The following CCDC178 variants were observed in gnomAD, a reference collection of about 807,000 sequenced individuals.
The protein encoded by CCDC178 is coiled-coil domain containing 178.
Under a neutral mutation model 117.4 loss-of-function variants are expected in CCDC178, and 126 were observed. The observed-to-expected ratio is 1.07, with a 90% CI of 0.93 to 1.24. CCDC178 has a LOEUF of 1.24. CCDC178 is among the 50% of genes most tolerant of loss of function. The probability of loss-of-function intolerance (pLI) is 0.00; values close to 1 mark genes in which losing one functional copy is unlikely to be tolerated. For missense variants in CCDC178, 1,030 were observed against 986.9 expected, an observed-to-expected ratio of 1.04 and a Z score of -0.59; for synonymous variants, 283 against 313.4, an observed-to-expected ratio of 0.90 and a Z score of 1.02.
At chr18:33,322,259 C>T (rs892683140) in intron 11 of CCDC178, among the ~76,000 whole-genome samples, 6 of 151,768 alleles carry the variant, frequency 4.0e-5, no homozygotes, top group African/African-American at 7.3e-5. Context: ...AACATCACCT[C>T]GGGGTATTTT....
chr18:33,309,892 T>C (rs1040931882), intron 11 of CCDC178, among the ~76,000 whole-genome samples: 4 of 152,174 alleles, frequency 2.6e-5, no homozygotes, highest in African/African-American at 7.2e-5. Flanking sequence ...ATATGGTAAA[T>C]ATTTGTCCAA....
intron 20 of CCDC178, among the ~76,000 whole-genome samples, chr18:33,180,078 G>A (rs753947323): frequency 6.5e-4 from 99 of 151,920 alleles, no homozygotes; most frequent in Middle Eastern, 3.4e-3. Flanking sequence ...GAAAATAAAC[G>A]TACATTAAAT....
At chr18:33,151,711 GATA>G (rs1279258513) in intron 20 of CCDC178, among the ~76,000 whole-genome samples, 5 of 152,194 alleles carry the variant, frequency 3.3e-5, no homozygotes, top group East Asian at 1.9e-4. Context: ...GTCAAATCGG[GATA>G]ATAATATTAA....
intron 22 of CCDC178, among the ~76,000 whole-genome samples, chr18:32,965,943 TAA>T (rs2054803783): frequency 6.7e-6 from 1 of 148,932 alleles, no homozygotes; most frequent in African/African-American, 2.4e-5. Flanking sequence ...ATTTTATATA[TAA>T]AAATATATAA....
intron 15 of CCDC178, among the ~76,000 whole-genome samples, chr18:33,244,092 G>C (rs916006604): frequency 1.7e-4 from 26 of 151,862 alleles, no homozygotes; most frequent in African/African-American, 6.0e-4. Context: ...TGAACAGCTG[G>C]ATTCAATGTG....
At chr18:33,321,100 T>C (rs764631508) in intron 11 of CCDC178, among the ~76,000 whole-genome samples, 1 of 152,214 alleles carries the variant, frequency 6.6e-6, no homozygotes, top group Non-Finnish European at 1.5e-5. Context: ...CAAGATGGAC[T>C]AATGACTTAA....
At chr18:33,093,448 C>A (rs2057497911) in intron 20 of CCDC178, among the ~76,000 whole-genome samples, 1 of 151,856 alleles carries the variant, frequency 6.6e-6, no homozygotes. Flanking sequence ...TTTAGAAGCA[C>A]CCAGCATCAT....
At chr18:33,063,366 C>T (rs907446064) in intron 21 of CCDC178, among the ~76,000 whole-genome samples, 2 of 152,172 alleles carry the variant, frequency 1.3e-5, no homozygotes, top group Admixed American at 6.5e-5. Context: ...AGGACAAGCT[C>T]TCCCAGACTG....
intron 2 of CCDC178, among the ~76,000 whole-genome samples, chr18:33,436,161 T>A (rs1454497390): frequency 1.3e-5 from 2 of 152,118 alleles, no homozygotes; most frequent in Non-Finnish European, 2.9e-5. Flanking sequence ...ATGAATGGGA[T>A]CATAGAAAAC....
intron 20 of CCDC178, among the ~76,000 whole-genome samples, chr18:33,196,598 T>C (rs1447692867): frequency 1.3e-5 from 2 of 152,140 alleles, no homozygotes; most frequent in Non-Finnish European, 2.9e-5. Context: ...CTGTGCTCTC[T>C]GGCTGTGCAG....
chr18:33,213,794 A>G (rs2059134071), intron 19 of CCDC178, among the ~76,000 whole-genome samples: 1 of 152,026 alleles, frequency 6.6e-6, no homozygotes, highest in South Asian at 2.1e-4. Context: ...AAATTAAATG[A>G]GGGTCAAGGA....
chr18:33,038,076 A>T (rs1473317472), intron 21 of CCDC178, among the ~76,000 whole-genome samples: 1 of 151,942 alleles, frequency 6.6e-6, no homozygotes, highest in Non-Finnish European at 1.5e-5. Context: ...TTTTTTCAAT[A>T]AAAGTATGAT....
intron 22 of CCDC178, among the ~76,000 whole-genome samples, chr18:32,948,327 G>A (rs944719825): frequency 2.0e-5 from 3 of 152,086 alleles, no homozygotes; most frequent in Non-Finnish European, 2.9e-5. Flanking sequence ...TTCTGACTGA[G>A]AAATGAGGTA....
At chr18:33,151,190 A>C (rs1161256555) in intron 20 of CCDC178, among the ~76,000 whole-genome samples, 1 of 152,156 alleles carries the variant, frequency 6.6e-6, no homozygotes, top group Non-Finnish European at 1.5e-5. Flanking sequence ...ATCACCACCA[A>C]AGAACTTATC....
intron 20 of CCDC178, among the ~76,000 whole-genome samples, chr18:33,133,706 C>T (rs530177411): frequency 1.3e-4 from 20 of 151,924 alleles, no homozygotes; most frequent in Non-Finnish European, 2.7e-4. Flanking sequence ...CCACATTTCA[C>T]AGGATCATTT....
At chr18:33,405,738 T>C (rs1033122767) in intron 3 of CCDC178, among the ~76,000 whole-genome samples, 1 of 152,014 alleles carries the variant, frequency 6.6e-6, no homozygotes, top group Non-Finnish European at 1.5e-5. Context: ...AGGGAGAAAT[T>C]TGGCATAGTA....
intron 14 of CCDC178, among the ~76,000 whole-genome samples, chr18:33,265,802 T>G (rs1162019732): frequency 2.0e-5 from 3 of 151,950 alleles, no homozygotes; most frequent in African/African-American, 7.2e-5. Flanking sequence ...ATGTAGATAA[T>G]GTATTAGAGA....
intron 21 of CCDC178, among the ~76,000 whole-genome samples, chr18:33,036,293 A>AAAATCT (rs2056443247): frequency 6.6e-6 from 1 of 151,870 alleles, no homozygotes. Context: ...TGTGCCTGAA[A>AAAATCT]AAATCTATTT....
chr18:33,060,056 G>A (rs1598839603), intron 21 of CCDC178, among the ~76,000 whole-genome samples: 1 of 151,954 alleles, frequency 6.6e-6, no homozygotes. Context: ...TTTGAAATGT[G>A]TTTCTTTTCT....
Sources: gnomAD v4.1 joint callset for allele counts (sites outside exome capture counted in the v4.1 genomes callset) on GRCh38, gnomAD v4.1.1 for gene constraint, MANE v1.5 for transcripts, NCBI Gene and HGNC (gene_info 2026-07-23, HGNC 2026-07-21) for gene names.